The following PCDHA2 variants were observed in gnomAD, a reference collection of about 807,000 sequenced individuals.
The protein encoded by PCDHA2 is protocadherin alpha 2.
Under a neutral mutation model 66.0 loss-of-function variants are expected in PCDHA2, and 58 were observed. That is an observed-to-expected ratio of 0.88 (90% CI 0.71 to 1.09). The LOEUF is 1.09. Among genes scored for constraint, PCDHA2 ranks in the 50% least tolerant of loss-of-function variants. PCDHA2 has a pLI of 0.00. For missense variants in PCDHA2, 1,267 were observed against 1,242.3 expected, an observed-to-expected ratio of 1.02 and a Z score of -0.30; for synonymous variants, 634 against 554.0, an observed-to-expected ratio of 1.14 and a Z score of -2.03.
At chr5:140,809,660 C>A in intron 1 of PCDHA2, 1 of 1,483,764 alleles carries the variant, frequency 6.7e-7, no homozygotes, top group South Asian at 1.4e-5. Context: ...GTCAAATTTC[C>A]CTGGGTTAAA....
intron 1 of PCDHA2, chr5:140,828,810 C>G: frequency 3.1e-6 from 5 of 1,614,142 alleles, no homozygotes; most frequent in Non-Finnish European, 4.2e-6. Context: ...GATAATGCTC[C>G]CACTTTCGAA....
At position 140,882,956 on chromosome 5, in the gene PCDHA2, A is replaced by G; in HGVS notation, c.2388+85604A>G. The stretch of plus-strand genomic sequence containing the variant: ...GCTGACTGGCACAGTTCAGCTGCTC[A>G]TCACGATTCTGGACGTGAATGACAA... On this transcript the variant is annotated intron_variant, in intron 1 of 3. Coordinates refer to ENST00000526136, the MANE Select transcript of PCDHA2 (RefSeq NM_018905.3). The G allele has an allele frequency of 6.2e-7, 1 of 1,614,228 alleles. No individual in the cohort carries two copies. The highest frequency in any genetic ancestry group is 8.5e-7 in the Non-Finnish European group (1 of 1,180,044).
intron 1 of PCDHA2, chr5:140,877,371 G>T: frequency 6.2e-7 from 1 of 1,613,994 alleles, no homozygotes; most frequent in Non-Finnish European, 8.5e-7. Flanking sequence ...AGATCAGCAC[G>T]ACACGCATCC....
intron 1 of PCDHA2, chr5:140,866,579 G>A (rs2049440989): frequency 6.6e-6 from 1 of 152,136 alleles, no homozygotes; most frequent in African/African-American, 2.4e-5. Context: ...ACAGTGGTTG[G>A]ATAATGTAAT....
rs2150163001 is a variant in PCDHA2 at position 140,829,146 on chromosome 5, T to G, written c.2388+31794T>G. The G allele has an allele frequency of 1.9e-6, 3 of 1,613,730 alleles. No individual in the cohort carries two copies. Among genetic ancestry groups the G allele is most frequent in the Non-Finnish European group, 1.7e-6 (2 of 1,179,704 alleles). ...AATGATAACGTCCCTGAGATAGCAC[T>G]GACTTCCTTATCCTTGCCTGTACGT... On this transcript the variant is annotated intron_variant, in intron 1 of 3. Coordinates refer to ENST00000526136, the MANE Select transcript of PCDHA2 (RefSeq NM_018905.3).
intron 1 of PCDHA2, chr5:140,830,564 T>A: frequency 1.0e-6 from 1 of 986,290 alleles, no homozygotes; most frequent in South Asian, 3.1e-5. Flanking sequence ...CTTCTATATT[T>A]CTGTTTTTAA....
At chr5:140,855,056 G>C (rs1045590902) in intron 1 of PCDHA2, among the ~76,000 whole-genome samples, 1 of 149,630 alleles carries the variant, frequency 6.7e-6, no homozygotes, top group Non-Finnish European at 1.5e-5. Flanking sequence ...GTACTTTTCT[G>C]TTTTCTTAAA....
chr5:140,933,694 C>T (rs782754431), intron 1 of PCDHA2, among the ~76,000 whole-genome samples: 8 of 151,858 alleles, frequency 5.3e-5, no homozygotes, highest in South Asian at 4.1e-4. Flanking sequence ...TCCTATTCCT[C>T]GGACACATTT....
chr5:140,876,118 G>A (rs2153337008), intron 1 of PCDHA2: 1 of 1,613,926 alleles, frequency 6.2e-7, no homozygotes, highest in South Asian at 1.1e-5. Flanking sequence ...GATGGTAATC[G>A]ATGGCGGTAA....
At chr5:140,823,542 G>A in intron 1 of PCDHA2, 1 of 1,613,852 alleles carries the variant, frequency 6.2e-7, no homozygotes, top group Non-Finnish European at 8.5e-7. Context: ...CGGGCCACGT[G>A]GTGGCGAAGG....
intron 1 of PCDHA2, chr5:140,802,180 C>T: frequency 6.2e-7 from 1 of 1,614,168 alleles, no homozygotes; most frequent in Non-Finnish European, 8.5e-7. Flanking sequence ...AAAGGAAATC[C>T]CCCAATGTCA....
intron 1 of PCDHA2, among the ~76,000 whole-genome samples, chr5:140,872,509 C>A (rs1554166234): frequency 6.6e-6 from 1 of 152,076 alleles, no homozygotes; most frequent in Non-Finnish European, 1.5e-5. Flanking sequence ...TGCCTGTAGT[C>A]CCAGTTTCTT....
intron 1 of PCDHA2, chr5:140,876,833 C>A: frequency 1.2e-6 from 2 of 1,614,176 alleles, no homozygotes; most frequent in Admixed American, 1.7e-5. Flanking sequence ...AATGCGCCTG[C>A]GTTCGCGCAG....
chr5:140,996,918 A>T lies in PCDHA2; in HGVS notation c.2537-12709A>T, dbSNP rs10036183. On this transcript the variant is annotated intron_variant, in intron 3 of 3. Transcript: ENST00000526136. ...GAATTACATTGTTGAAGTAAATATT[A>T]AAAAATATAGCATTTTTGCATAGAA... Among the ~76,000 whole-genome samples, 492 of 152,328 alleles carry T rather than the reference A, an allele frequency of 3.2e-3. 4 individuals are homozygous for T. Among genetic ancestry groups the T allele is most frequent in the African/African-American group, 0.011 (464 of 41,562 alleles).
At chr5:140,998,939 A>C (rs1299425979) in intron 3 of PCDHA2, among the ~76,000 whole-genome samples, 2 of 152,248 alleles carry the variant, frequency 1.3e-5, no homozygotes, top group Admixed American at 1.3e-4. Flanking sequence ...CAGATGAAGA[A>C]ACTGTAAGTC....
rs942533344 is a variant in PCDHA2, at chr5:140,870,223, T to A, written c.2388+72871T>A. The A allele has an allele frequency of 3.4e-5, 55 of 1,614,052 alleles. No homozygotes were observed. The highest frequency in any genetic ancestry group is 4.5e-5 in the Non-Finnish European group (53 of 1,180,044). On this transcript the variant is annotated intron_variant, in intron 1 of 3. Coordinates refer to ENST00000526136, the MANE Select transcript of PCDHA2 (RefSeq NM_018905.3). ...CACGGTCATTGCCCTGATCAGCGTG[T>A]CTGACCGTGACTCAGGTGTCAACGG...
chr5:140,856,559 C>T (rs782226001), intron 1 of PCDHA2: 3 of 1,598,104 alleles, frequency 1.9e-6, no homozygotes, highest in Non-Finnish European at 2.6e-6. Context: ...TACTTACAAA[C>T]TCAGTCCAAA....
At chr5:140,866,372 A>G (rs1260781135) in intron 1 of PCDHA2, 2 of 152,168 alleles carry the variant, frequency 1.3e-5, no homozygotes, top group Non-Finnish European at 2.9e-5. Flanking sequence ...GCATACTTCA[A>G]TAACAATTTT....
At chr5:140,883,239 A>ACAAAGGAAATATTC in intron 1 of PCDHA2, 1 of 1,614,096 alleles carries the variant, frequency 6.2e-7, no homozygotes, top group Non-Finnish European at 8.5e-7. Context: ...GAGGCAGTTG[A>ACAAAGGAAATATTC]CAAAGGAAAT....
Sources: gnomAD v4.1 joint callset for allele counts (sites outside exome capture counted in the v4.1 genomes callset) on GRCh38, gnomAD v4.1.1 for gene constraint, MANE v1.5 for transcripts, NCBI Gene and HGNC (gene_info 2026-07-23, HGNC 2026-07-21) for gene names.